DRD2: variants seen among roughly 807,000 people sequenced by gnomAD.
DRD2 encodes D(2) dopamine receptor.
A neutral mutation model predicts 38.0 loss-of-function variants in DRD2; 8 were observed. The observed-to-expected ratio is 0.21, with a 90% CI of 0.12 to 0.38. The LOEUF (loss-of-function observed/expected upper bound fraction) is 0.38. Ranked by LOEUF, DRD2 falls within the 10% of genes least tolerant of loss-of-function variation. The pLI, the probability that DRD2 is intolerant of heterozygous loss-of-function variation, is 1.00. For missense variants in DRD2, 403 were observed against 607.7 expected (o/e 0.66, Z 3.54); for synonymous variants, 230 against 238.6 (o/e 0.96, Z 0.33).
Position 113,424,686 on chromosome 11 carries a change from G to T in DRD2, c.-31-4C>A. ...GGAGCCACTGGGTGGCCAGGCTCTG[G>T]CCAGGAAAAATGGACACAAGGTGTC... On this transcript the variant is annotated splice_region_variant and splice_polypyrimidine_tract_variant and intron_variant, in intron 1 of 7. Transcript: ENST00000362072. The T allele has an allele frequency of 6.2e-7, 1 of 1,613,244 alleles. No homozygotes were observed. The highest frequency in any genetic ancestry group is 8.5e-7 in the Non-Finnish European group (1 of 1,180,030).
intron 7 of DRD2, 46 bp downstream of exon 7, chr11:113,412,510 G>A: frequency 6.2e-7 from 1 of 1,602,552 alleles, no homozygotes; most frequent in Non-Finnish European, 8.5e-7. Context: ...CAGGGAATGG[G>A]ACCTTTCACA....
intron 1 of DRD2, among the ~76,000 whole-genome samples, chr11:113,454,758 A>G (rs1184012243): frequency 6.6e-6 from 1 of 152,236 alleles, no homozygotes. Flanking sequence ...TCCACATACA[A>G]TGGGATATTA....
At chr11:113,429,218 GCTAT>G (rs1192931662) in intron 1 of DRD2, among the ~76,000 whole-genome samples, 1 of 152,138 alleles carries the variant, frequency 6.6e-6, no homozygotes, top group Non-Finnish European at 1.5e-5. Flanking sequence ...TTGGTACAGG[GCTAT>G]CTTTTTGTCT....
chr11:113,413,348 C>T (rs530845473), intron 6 of DRD2: 9 of 526,202 alleles, frequency 1.7e-5, no homozygotes, highest in Admixed American at 5.8e-5. Context: ...CACCTGCGTA[C>T]ACACGTGGGC....
intron 1 of DRD2, among the ~76,000 whole-genome samples, chr11:113,474,866 G>A (rs1226449086): frequency 6.6e-6 from 1 of 152,128 alleles, no homozygotes; most frequent in Non-Finnish European, 1.5e-5. Flanking sequence ...TGAGAAGGAG[G>A]GAGAGGGGAT....
intron 6 of DRD2, among the ~76,000 whole-genome samples, 179 bp from the exon 7 acceptor site, chr11:113,413,062 C>A (rs1238233953): frequency 1.3e-5 from 2 of 151,898 alleles, no homozygotes; most frequent in South Asian, 2.1e-4. Flanking sequence ...GCAGCCCCTG[C>A]AGGATTGCCC....
At chr11:113,427,918 A>G (rs1434997059) in intron 1 of DRD2, among the ~76,000 whole-genome samples, 3 of 152,164 alleles carry the variant, frequency 2.0e-5, no homozygotes, top group Non-Finnish European at 4.4e-5. Context: ...TGGAGTCCTT[A>G]TAAGAGGAGC....
chr11:113,452,488 A>G (rs1177379544), intron 1 of DRD2, among the ~76,000 whole-genome samples: 6 of 110,212 alleles, frequency 5.4e-5, no homozygotes, highest in Non-Finnish European at 1.0e-4. Context: ...GCGCGCGCGC[A>G]CATTGGGGGA....
intron 1 of DRD2, among the ~76,000 whole-genome samples, chr11:113,467,468 A>G (rs1951381136): frequency 6.6e-6 from 1 of 152,222 alleles, no homozygotes; most frequent in Non-Finnish European, 1.5e-5. Flanking sequence ...CCTGCCAAGA[A>G]TGACTCCAGA....
rs147172005 is a variant in DRD2 at position 113,457,589 on chromosome 11, C to T, written c.-32+17487G>A. ...TCTCCATTACCACCCCCCCGACCCC[C>T]CACTATTTACATGTAAATGAAAAAC... On this transcript the variant is annotated intron_variant, in intron 1 of 7. Transcript: ENST00000362072. 5.1e-3 allele frequency among the ~76,000 whole-genome samples: 779 copies of T among 152,260 alleles called. 11 individuals are homozygous for T. Among genetic ancestry groups the T allele is most frequent in the African/African-American group, 0.018 (744 of 41,538 alleles).
intron 1 of DRD2, among the ~76,000 whole-genome samples, chr11:113,469,900 G>T (rs1951406332): frequency 6.6e-6 from 1 of 152,052 alleles, no homozygotes; most frequent in Non-Finnish European, 1.5e-5. Context: ...TAAAAACAAG[G>T]GTTCCTATTT....
chr11:113,433,436 G>A (rs1041715486), intron 1 of DRD2, among the ~76,000 whole-genome samples: 8 of 152,296 alleles, frequency 5.3e-5, no homozygotes, highest in South Asian at 2.1e-4. Flanking sequence ...GGGGATACCC[G>A]TTAGTGGAAG....
At chr11:113,445,639 G>A (rs146012184) in intron 1 of DRD2, among the ~76,000 whole-genome samples, 193 of 152,320 alleles carry the variant, frequency 1.3e-3, no homozygotes, top group African/African-American at 4.5e-3. Flanking sequence ...TGCTGACTGC[G>A]CATGCAAGGG....
rs748462272 is a variant in DRD2 at position 113,424,470 on chromosome 11, C to T, written c.182G>A (p.Arg61His). The T allele has an allele frequency of 4.3e-6, 7 of 1,614,086 alleles. No individual in the cohort carries two copies. Among genetic ancestry groups the T allele is most frequent in the South Asian group, 2.2e-5 (2 of 91,086 alleles). ...GNVLVCMAVS[R>H]EKALQTTTNY... ...GGTGGTGGTCTGCAGCGCCTTCTCG[C>T]GGGACACAGCCATGCACACCAGCAC... Residue 61 changes from arginine to histidine, a missense_variant, in exon 2 of 8, where the codon CGC (arginine) becomes CAC (histidine). By Grantham distance (29) the Arg-to-His change is conservative. Around this residue, in one of 4 missense-constraint regions of DRD2, gnomAD observed 162 missense variants for 254.5 expected, o/e 0.64. Coordinates refer to ENST00000362072, the MANE Select transcript of DRD2 (RefSeq NM_000795.4).
chr11:113,415,424 T>C lies in DRD2; in HGVS notation c.720A>G (p.Leu240=), dbSNP rs774178472. 2 of 1,612,096 alleles carry C rather than the reference T, an allele frequency of 1.2e-6. No homozygotes were observed. Among genetic ancestry groups the C allele is most frequent in the South Asian group, 1.1e-5 (1 of 90,858 alleles). ...TGGTTGGGGGGTGTCTTGAGACCTTTAGTGGAGCCCTCAGGTGGGCCCTGA... is the reference window on the plus strand; with the variant it reads ...TGGTTGGGGGGTGTCTTGAGACCTTCAGTGGAGCCCTCAGGTGGGCCCTGA... ...RAFRAHLRAP[L]KGNCTHPEDM... The change falls in exon 5 of 8, where the codon CTA becomes CTG. Residue 240 remains leucine (L), a synonymous_variant. Transcript: ENST00000362072.
intron 2 of DRD2, among the ~76,000 whole-genome samples, chr11:113,422,733 C>T (rs1040558917): frequency 1.1e-4 from 16 of 152,068 alleles, no homozygotes; most frequent in South Asian, 6.2e-4. Context: ...CCCTTGGGCC[C>T]GGGGTGGTGG....
At chr11:113,432,827 G>C (rs1951000969) in intron 1 of DRD2, among the ~76,000 whole-genome samples, 1 of 152,216 alleles carries the variant, frequency 6.6e-6, no homozygotes, top group Non-Finnish European at 1.5e-5. Context: ...ACTTCAAAAA[G>C]GCAGCATGGA....
intron 4 of DRD2, 39 bp downstream of exon 4, chr11:113,416,824 G>A: frequency 1.2e-6 from 2 of 1,609,026 alleles, no homozygotes; most frequent in Non-Finnish European, 1.7e-6. Context: ...CAGGGGCCCA[G>A]GGCCAGCTGA....
At chr11:113,414,507 G>A (rs1565660072) in intron 5 of DRD2, 46 bp from the exon 6 acceptor site, 1 of 1,608,526 alleles carries the variant, frequency 6.2e-7, no homozygotes. Flanking sequence ...GGTGGGGATG[G>A]AGGGGGGACA....
Sources: allele counts gnomAD v4.1 joint callset (sites outside exome capture counted in the v4.1 genomes callset), GRCh38; gene constraint gnomAD v4.1.1; regional missense constraint gnomAD v4.1.1; transcripts MANE v1.5; gene names NCBI Gene and HGNC (gene_info 2026-07-23, HGNC 2026-07-21).